Variants in SOX30 observed in about 807,000 individuals in gnomAD.
SOX30 encodes the protein transcription factor SOX-30.
In SOX30, 17 loss-of-function variants were observed where a neutral mutation model predicts 58.6. That is an observed-to-expected ratio of 0.29 (90% CI 0.20 to 0.44). The LOEUF (loss-of-function observed/expected upper bound fraction) is 0.44. Among genes scored for constraint, SOX30 ranks in the 20% least tolerant of loss-of-function variants. The pLI is 1.00. For missense variants in SOX30, 951 were observed against 965.8 expected, an observed-to-expected ratio of 0.98 and a Z score of 0.20; for synonymous variants, 421 against 400.2, an observed-to-expected ratio of 1.05 and a Z score of -0.62.
At chr5:157,629,620 A>G (rs1282322206) in intron 4 of SOX30, among the ~76,000 whole-genome samples, 1 of 152,220 alleles carries the variant, frequency 6.6e-6, no homozygotes, top group Non-Finnish European at 1.5e-5. Flanking sequence ...AACATTAATT[A>G]GAATAGTCCA....
At chr5:157,646,942 C>T in intron 2 of SOX30, 126 bp from the exon 3 acceptor site, 1 of 686,036 alleles carries the variant, frequency 1.5e-6, no homozygotes, top group Non-Finnish European at 2.5e-6. Flanking sequence ...GTATCTTTTC[C>T]AGCTCCGGGA....
upstream of SOX30, among the ~76,000 whole-genome samples, chr5:157,654,325 A>G (rs777430138): frequency 6.6e-6 from 1 of 152,244 alleles, no homozygotes; most frequent in Admixed American, 6.5e-5. Context: ...ACATTTTCAT[A>G]GGAAAAAATT....
In SOX30 at chr5:157,626,392, T is replaced by C. The variant is rs142943693; in HGVS notation, c.2210A>G (p.Asn737Ser). Residue 737 changes from asparagine to serine, a missense_variant, in exon 5 of 5, where the codon AAT becomes AGT. By Grantham distance (46) the Asn-to-Ser change is conservative. Coordinates refer to ENST00000265007, the MANE Select transcript of SOX30 (RefSeq NM_178424.2). ...TTCCTCCTCATCACTGTCGGTGACA[T>C]TGACTTGCTGGATGCTAGAAGGAGT... is the stretch of plus-strand genomic sequence containing the variant. ...TSTPSSIQQVNVTDSDEEEEE... is the reference protein window; with the variant it reads ...TSTPSSIQQVSVTDSDEEEEE... 9.9e-5 allele frequency: 159 copies of C among 1,613,648 alleles called. No homozygotes were observed. The highest frequency in any genetic ancestry group is 1.3e-4 in the Non-Finnish European group (150 of 1,179,668).
upstream of SOX30, among the ~76,000 whole-genome samples, chr5:157,654,163 T>C: frequency 7.4e-6 from 1 of 135,848 alleles, no homozygotes. Context: ...AGACCCTGTC[T>C]CAAAAAAAAA....
At position 157,669,073 on chromosome 5, in the gene SOX30, C is replaced by G. The variant is rs976165932; in HGVS notation, c.-3-1221G>C. Among the ~76,000 whole-genome samples, 3 of 152,196 alleles carry G rather than the reference C, an allele frequency of 2.0e-5. No individual in the cohort carries two copies. In the South Asian group the frequency reaches 6.2e-4, roughly 32 times the overall value. ...GCCAAATGTGCACCTGGGGCCCTGG[C>G]TGCTAGACTAGGGCAGATCCCACAG... On this transcript the variant is annotated intron_variant, in intron 1 of 5. Coordinates refer to the SOX30 transcript ENST00000519442.
intron 2 of SOX30, among the ~76,000 whole-genome samples, chr5:157,660,491 AAAT>A (rs1371272405): frequency 6.6e-6 from 1 of 151,226 alleles, no homozygotes; most frequent in Non-Finnish European, 1.5e-5. Context: ...TAAAATAATA[AAAT>A]ATAAAAAATA....
intron 2 of SOX30, among the ~76,000 whole-genome samples, chr5:157,659,980 T>A (rs540983528): frequency 6.6e-6 from 1 of 152,350 alleles, no homozygotes. Context: ...ATATCAGACC[T>A]AAAAAGTCTA....
intron 4 of SOX30, among the ~76,000 whole-genome samples, chr5:157,632,251 T>G (rs11738722): frequency 6.6e-6 from 1 of 151,986 alleles, no homozygotes; most frequent in Non-Finnish European, 1.5e-5. Context: ...TCCTTTCAGG[T>G]GGTTCTTTCA....
chr5:157,645,248 T>G (rs1372382838), intron 3 of SOX30, among the ~76,000 whole-genome samples: 1 of 152,156 alleles, frequency 6.6e-6, no homozygotes, highest in Non-Finnish European at 1.5e-5. Flanking sequence ...ATGCCTAAGA[T>G]TCTAAGAAGT....
intron 4 of SOX30, among the ~76,000 whole-genome samples, chr5:157,628,457 C>T (rs1758714110): frequency 1.3e-5 from 2 of 151,482 alleles, no homozygotes; most frequent in Admixed American, 1.3e-4. Flanking sequence ...GACAGACATA[C>T]TAGACTATTA....
intron 1 of SOX30, 51 bp downstream of exon 1, chr5:157,651,061 T>C (rs1561586009): frequency 2.2e-6 from 3 of 1,344,768 alleles, no homozygotes; most frequent in African/African-American, 2.9e-5. Context: ...AAAACAGCTA[T>C]GGGCAACACA....
intron 4 of SOX30, among the ~76,000 whole-genome samples, chr5:157,637,272 A>G (rs1341848739): frequency 6.6e-6 from 1 of 152,184 alleles, no homozygotes; most frequent in Non-Finnish European, 1.5e-5. Flanking sequence ...ATGAAAATGA[A>G]TTCCTTTATT....
intron 4 of SOX30, among the ~76,000 whole-genome samples, chr5:157,629,221 G>C (rs1170857002): frequency 6.6e-6 from 1 of 152,078 alleles, no homozygotes; most frequent in African/African-American, 2.4e-5. Context: ...ACCCTGACTT[G>C]ATCATTACAC....
chr5:157,662,786 A>C (rs1219354471), intron 2 of SOX30, among the ~76,000 whole-genome samples: 1 of 152,202 alleles, frequency 6.6e-6, no homozygotes, highest in Admixed American at 6.5e-5. Context: ...CTTCTCTCTA[A>C]TGCCTGCTGG....
chr5:157,661,234 G>A (rs1404590127), intron 2 of SOX30, among the ~76,000 whole-genome samples: 3 of 152,144 alleles, frequency 2.0e-5, no homozygotes, highest in African/African-American at 7.2e-5. Flanking sequence ...AAAGCATCCA[G>A]TCATTCACCT....
In SOX30 at chr5:157,651,215, C is replaced by T; in HGVS notation, c.864G>A (p.Lys288=). The change falls in exon 1 of 5, where the codon AAG becomes AAA. Residue 288 remains lysine, a synonymous_variant. Coordinates refer to ENST00000265007, the MANE Select transcript of SOX30 (RefSeq NM_178424.2). Reference sequence around the variant, plus strand: ...TAGTAGGCACTGGTGTCAGGGGGACCTTGGTCAATCTTATCAGCTCTGAAG... The same window carrying T: ...TAGTAGGCACTGGTGTCAGGGGGACTTTGGTCAATCTTATCAGCTCTGAAG... ...APPSELIRLT[K]VPLTPVPTKM... 1 of 1,613,770 alleles carries T rather than the reference C, an allele frequency of 6.2e-7. No homozygotes were observed. The highest frequency in any genetic ancestry group is 8.5e-7 in the Non-Finnish European group (1 of 1,179,810).
chr5:157,659,909 G>C (rs771870470), intron 2 of SOX30, among the ~76,000 whole-genome samples: 17 of 152,174 alleles, frequency 1.1e-4, no homozygotes, highest in Non-Finnish European at 1.8e-4. Context: ...TAAGATATGG[G>C]GTTGTGGATA....
intron 2 of SOX30, 49 bp downstream of exon 2, chr5:157,648,608 T>A (rs1201151305): frequency 1.3e-6 from 2 of 1,562,688 alleles, no homozygotes; most frequent in South Asian, 2.3e-5. Flanking sequence ...AATCTTTAAC[T>A]AAATAAATTC....
chr5:157,663,496 A>G (rs548126640), intron 2 of SOX30, among the ~76,000 whole-genome samples: 5 of 152,338 alleles, frequency 3.3e-5, no homozygotes, highest in Middle Eastern at 3.4e-3. Context: ...AGCCAATATC[A>G]TACTGAATGG....
Sources: gnomAD v4.1 joint callset for allele counts (sites outside exome capture counted in the v4.1 genomes callset) on GRCh38, gnomAD v4.1.1 for gene constraint, MANE v1.5 for transcripts, NCBI Gene and HGNC (gene_info 2026-07-23, HGNC 2026-07-21) for gene names.